Variants in MAPKAP1 observed in about 807,000 individuals in gnomAD.
The protein encoded by MAPKAP1 is MAPK associated protein 1.
Under a neutral mutation model 65.7 loss-of-function variants are expected in MAPKAP1, and 20 were observed. The observed-to-expected ratio is 0.30, with a 90% CI of 0.21 to 0.44. The LOEUF (loss-of-function observed/expected upper bound fraction) is 0.44, where lower values mean the gene tolerates loss of function less well. MAPKAP1 is among the 20% of genes least tolerant of loss of function. MAPKAP1 has a pLI of 1.00. For missense variants in MAPKAP1, 423 were observed against 648.0 expected (o/e 0.65, Z 3.77); for synonymous variants, 222 against 244.3 (o/e 0.91, Z 0.85).
chr9:125,698,652 A>G (rs934045567), intron 1 of MAPKAP1, among the ~76,000 whole-genome samples: 1 of 151,930 alleles, frequency 6.6e-6, no homozygotes, highest in African/African-American at 2.4e-5. Flanking sequence ...CGGTAGCTCT[A>G]TATTTTTATT....
intron 5 of MAPKAP1, among the ~76,000 whole-genome samples, chr9:125,575,408 A>C (rs1199375482): frequency 2.6e-5 from 4 of 152,136 alleles, no homozygotes; most frequent in Non-Finnish European, 5.9e-5. Context: ...TAGCTACAAA[A>C]CCCACCAACT....
intron 3 of MAPKAP1, among the ~76,000 whole-genome samples, chr9:125,662,779 CAT>C (rs1417172242): frequency 4.0e-5 from 6 of 151,810 alleles, no homozygotes; most frequent in South Asian, 2.1e-4. Context: ...TAATAATTAA[CAT>C]AAATAATTTT....
chr9:125,456,313 C>A (rs959037401), intron 10 of MAPKAP1, among the ~76,000 whole-genome samples: 3 of 152,190 alleles, frequency 2.0e-5, no homozygotes, highest in African/African-American at 7.2e-5. Context: ...TTTTTCCCCT[C>A]CATCACCAAG....
intron 4 of MAPKAP1, among the ~76,000 whole-genome samples, chr9:125,607,742 G>A (rs543124602): frequency 5.9e-5 from 9 of 152,238 alleles, no homozygotes; most frequent in African/African-American, 1.9e-4. Flanking sequence ...TGCAACCTCC[G>A]CCTCCCGGGT....
intron 4 of MAPKAP1, among the ~76,000 whole-genome samples, chr9:125,633,048 T>G (rs577788097): frequency 6.6e-6 from 1 of 152,336 alleles, no homozygotes; most frequent in East Asian, 1.9e-4. Flanking sequence ...CTACTTCCCT[T>G]TTTTGAATTT....
chr9:125,698,194 CAT>C (rs200969015), intron 1 of MAPKAP1, among the ~76,000 whole-genome samples: 1,812 of 145,592 alleles, frequency 0.012, 60 homozygotes, highest in Admixed American at 0.079. Flanking sequence ...TATACACACA[CAT>C]ATGTGTATAT....
At chr9:125,569,480 T>C (rs933621132) in intron 5 of MAPKAP1, among the ~76,000 whole-genome samples, 2 of 152,206 alleles carry the variant, frequency 1.3e-5, no homozygotes, top group Admixed American at 6.5e-5. Flanking sequence ...CCGCGGACTA[T>C]CTTAAATTTT....
intron 4 of MAPKAP1, among the ~76,000 whole-genome samples, chr9:125,641,313 TA>T (rs1833570877): frequency 6.6e-6 from 1 of 152,226 alleles, no homozygotes; most frequent in Non-Finnish European, 1.5e-5. Flanking sequence ...TGGCTTTTCT[TA>T]ATCAAGAAAA....
intron 4 of MAPKAP1, among the ~76,000 whole-genome samples, chr9:125,588,620 A>T (rs980799278): frequency 6.6e-6 from 1 of 152,224 alleles, no homozygotes; most frequent in East Asian, 1.9e-4. Flanking sequence ...TGCCACCAAA[A>T]TTACCATCAG....
chr9:125,692,816 T>A (rs1835209371), intron 1 of MAPKAP1, among the ~76,000 whole-genome samples: 1 of 152,172 alleles, frequency 6.6e-6, no homozygotes, highest in African/African-American at 2.4e-5. Context: ...TTTTAAACAA[T>A]CTGTAATATA....
At chr9:125,579,541 C>T (rs1459794603) in intron 5 of MAPKAP1, among the ~76,000 whole-genome samples, 1 of 152,212 alleles carries the variant, frequency 6.6e-6, no homozygotes, top group Admixed American at 6.5e-5. Flanking sequence ...GATCCACCCA[C>T]CTCGGCCTCC....
intron 5 of MAPKAP1, among the ~76,000 whole-genome samples, chr9:125,577,867 C>A (rs1438575315): frequency 2.7e-5 from 4 of 150,898 alleles, no homozygotes; most frequent in African/African-American, 9.7e-5. Context: ...GGCGCCTCTG[C>A]CCGGCCGCCC....
intron 4 of MAPKAP1, among the ~76,000 whole-genome samples, chr9:125,602,561 G>C (rs543734070): frequency 1.3e-5 from 2 of 152,208 alleles, no homozygotes; most frequent in South Asian, 4.2e-4. Flanking sequence ...CAAAGTAAAA[G>C]TAGCCAGCTA....
chr9:125,679,004 ATT>A (rs57513847), intron 1 of MAPKAP1, among the ~76,000 whole-genome samples: 218 of 145,284 alleles, frequency 1.5e-3, no homozygotes, highest in Admixed American at 1.6e-3. Context: ...AATAAACACA[ATT>A]TTTTTTTTTT....
At chr9:125,469,750 G>A (rs1224603199) in intron 9 of MAPKAP1, among the ~76,000 whole-genome samples, 1 of 152,206 alleles carries the variant, frequency 6.6e-6, no homozygotes, top group African/African-American at 2.4e-5. Context: ...GGACGTTCAG[G>A]TCTAGATGAT....
intron 4 of MAPKAP1, chr9:125,600,071 T>C (rs1401178217): frequency 1.3e-5 from 2 of 152,244 alleles, no homozygotes; most frequent in East Asian, 1.9e-4. Context: ...CTAGCAACTA[T>C]TGGTTTAAAC....
intron 1 of MAPKAP1, among the ~76,000 whole-genome samples, chr9:125,698,289 AT>A (rs369942717): frequency 0.44 from 33,940 of 77,712 alleles, 6,918 homozygotes; most frequent in Non-Finnish European, 0.6. Flanking sequence ...ATATATATAA[AT>A]ATATATATAT....
At position 125,530,321 on chromosome 9, in the gene MAPKAP1, T is replaced by G. The variant is rs114696867; in HGVS notation, c.958+12738A>C. Among the ~76,000 whole-genome samples, 679 of 152,346 alleles carry G rather than the reference T, an allele frequency of 4.5e-3. 6 individuals carry two copies. Among genetic ancestry groups the G allele is most frequent in the African/African-American group, 0.015 (635 of 41,584 alleles). ...AGGCTGGAGAGATGTAATGGGCACA[T>G]GCAACACTCTAATCCTGTCTGTAAT... On this transcript the variant is annotated intron_variant, in intron 7 of 11. Transcript: ENST00000265960.
chr9:125,489,035 T>C (rs1854603880), intron 8 of MAPKAP1, among the ~76,000 whole-genome samples: 1 of 152,234 alleles, frequency 6.6e-6, no homozygotes, highest in Admixed American at 6.5e-5. Flanking sequence ...AGATGAAAGA[T>C]GCTTGATATT....
Sources: allele counts gnomAD v4.1 joint callset (sites outside exome capture counted in the v4.1 genomes callset), GRCh38; gene constraint gnomAD v4.1.1; transcripts MANE v1.5; gene names NCBI Gene and HGNC (gene_info 2026-07-23, HGNC 2026-07-21).